Variants in MITF observed in about 807,000 individuals in gnomAD.
MITF encodes the protein microphthalmia-associated transcription factor.
In MITF, 17 loss-of-function variants were observed where a neutral mutation model predicts 60.5. The ratio of observed to expected loss-of-function variants is 0.28; its 90% CI spans 0.19 to 0.42. The LOEUF is 0.42. MITF is among the 10% of genes least tolerant of loss of function. The pLI is 1.00. For synonymous variants in MITF, 260 were observed against 248.5 expected (o/e 1.05, Z -0.43); for missense variants, 622 against 683.5 (o/e 0.91, Z 1.00).
intron 2 of MITF, among the ~76,000 whole-genome samples, chr3:69,880,822 A>G (rs1056281245): frequency 1.3e-5 from 2 of 152,056 alleles, no homozygotes; most frequent in African/African-American, 4.8e-5. Context: ...TGTCTATTTT[A>G]TTCATCATAA....
intron 1 of MITF, among the ~76,000 whole-genome samples, chr3:69,783,506 T>C (rs373299846): frequency 6.9e-6 from 1 of 144,278 alleles, no homozygotes; most frequent in South Asian, 2.2e-4. Context: ...ATATATATAA[T>C]TTATATATTT....
intron 1 of MITF, among the ~76,000 whole-genome samples, chr3:69,872,268 G>C (rs377221402): frequency 6.6e-6 from 1 of 151,956 alleles, no homozygotes; most frequent in East Asian, 1.9e-4. Context: ...CTTTTAGTAA[G>C]AACTTGATAT....
chr3:69,963,601 G>T (rs2066604822), intron 9 of MITF, among the ~76,000 whole-genome samples: 1 of 152,144 alleles, frequency 6.6e-6, no homozygotes, highest in South Asian at 2.1e-4. Flanking sequence ...GTGTGTGTCT[G>T]TTGGGCACTG....
At chr3:69,861,925 C>T (rs900684709) in intron 1 of MITF, among the ~76,000 whole-genome samples, 2 of 151,886 alleles carry the variant, frequency 1.3e-5, no homozygotes, top group African/African-American at 4.8e-5. Context: ...TTGAACATTC[C>T]ACATGGATAT....
intron 1 of MITF, among the ~76,000 whole-genome samples, chr3:69,750,362 A>C (rs1327273588): frequency 1.4e-5 from 2 of 147,222 alleles, no homozygotes; most frequent in African/African-American, 5.0e-5. Context: ...CAAACTTTCT[A>C]GAGGAAACTA....
chr3:69,935,643 A>G (rs1323242734), intron 2 of MITF, among the ~76,000 whole-genome samples: 1 of 152,196 alleles, frequency 6.6e-6, no homozygotes, highest in Non-Finnish European at 1.5e-5. Flanking sequence ...TGAACTTCAA[A>G]TTTTTAGCTT....
At chr3:69,780,980 C>T (rs1361113759) in intron 1 of MITF, among the ~76,000 whole-genome samples, 1 of 152,122 alleles carries the variant, frequency 6.6e-6, no homozygotes. Flanking sequence ...ATTGGTGACA[C>T]TGTTTATCAA....
intron 2 of MITF, among the ~76,000 whole-genome samples, chr3:69,891,682 C>T (rs1005895036): frequency 1.3e-5 from 2 of 152,154 alleles, no homozygotes; most frequent in Non-Finnish European, 2.9e-5. Flanking sequence ...AAATAAATTT[C>T]TTTACTGTAG....
At chr3:69,874,805 T>C (rs1237283741) in intron 1 of MITF, among the ~76,000 whole-genome samples, 2 of 152,170 alleles carry the variant, frequency 1.3e-5, no homozygotes, top group African/African-American at 4.8e-5. Context: ...GCTGGAGCAT[T>C]GAATTTAATG....
chr3:69,754,927 G>T (rs568153719), intron 1 of MITF, among the ~76,000 whole-genome samples: 3 of 152,100 alleles, frequency 2.0e-5, no homozygotes, highest in South Asian at 2.1e-4. Context: ...GTGGGGGTTG[G>T]GGGGAGAGGA....
intron 1 of MITF, among the ~76,000 whole-genome samples, chr3:69,784,295 A>G (rs2062613789): frequency 6.6e-6 from 1 of 152,116 alleles, no homozygotes; most frequent in Admixed American, 6.6e-5. Context: ...TGGGTGTTGT[A>G]ATCAATGCTT....
intron 1 of MITF, among the ~76,000 whole-genome samples, chr3:69,765,703 T>C (rs2062279863): frequency 6.6e-6 from 1 of 152,244 alleles, no homozygotes; most frequent in East Asian, 1.9e-4. Flanking sequence ...GTAGTTAAGG[T>C]TTGGATTAGG....
intron 1 of MITF, among the ~76,000 whole-genome samples, chr3:69,823,810 G>A (rs555913420): frequency 4.0e-4 from 61 of 152,238 alleles, no homozygotes; most frequent in Non-Finnish European, 7.2e-4. Context: ...GATACTACCA[G>A]ATTAGTAATC....
chr3:69,858,538 C>T (rs577068017), intron 1 of MITF, among the ~76,000 whole-genome samples: 1 of 152,100 alleles, frequency 6.6e-6, no homozygotes, highest in Admixed American at 6.5e-5. Context: ...GGTATGTTTA[C>T]ATAGAAAAAA....
At chr3:69,942,376 G>A (rs2065988840) in intron 5 of MITF, among the ~76,000 whole-genome samples, 1 of 152,024 alleles carries the variant, frequency 6.6e-6, no homozygotes, top group South Asian at 2.1e-4. Context: ...ACTTCCAGTA[G>A]TAAATTCCCT....
At chr3:69,895,542 C>T (rs190417095) in intron 2 of MITF, among the ~76,000 whole-genome samples, 204 of 152,016 alleles carry the variant, frequency 1.3e-3, no homozygotes, top group African/African-American at 4.6e-3. Context: ...ATTTAGTTCT[C>T]AAGTATGCTA....
intron 2 of MITF, among the ~76,000 whole-genome samples, chr3:69,930,528 G>A (rs192604784): frequency 6.6e-6 from 1 of 152,272 alleles, no homozygotes; most frequent in African/African-American, 2.4e-5. Flanking sequence ...AGGTCTGGGC[G>A]TCAATGTCAT....
intron 1 of MITF, among the ~76,000 whole-genome samples, chr3:69,805,129 T>C (rs2062984656): frequency 1.3e-5 from 2 of 152,238 alleles, no homozygotes; most frequent in South Asian, 4.1e-4. Flanking sequence ...ACTTTTTTTC[T>C]GATCTTGCAA....
intron 1 of MITF, among the ~76,000 whole-genome samples, chr3:69,780,276 C>T (rs945041991): frequency 2.0e-5 from 3 of 152,018 alleles, no homozygotes; most frequent in Non-Finnish European, 4.4e-5. Flanking sequence ...ACTATAGGTC[C>T]GGTGTGGCTG....
Sources: gnomAD v4.1 joint callset for allele counts (sites outside exome capture counted in the v4.1 genomes callset) on GRCh38, gnomAD v4.1.1 for gene constraint, MANE v1.5 for transcripts, NCBI Gene and HGNC (gene_info 2026-07-23, HGNC 2026-07-21) for gene names.